Variants in ZNF438 observed in about 807,000 individuals in gnomAD.
ZNF438 encodes zinc finger protein 438.
In ZNF438, 25 loss-of-function variants were observed where a neutral mutation model predicts 38.0. That is an observed-to-expected ratio of 0.66 (90% CI 0.48 to 0.92). ZNF438 has a LOEUF of 0.92. ZNF438 is among the 40% of genes least tolerant of loss of function. The pLI, the probability that ZNF438 is intolerant of heterozygous loss-of-function variation, is 0.00. For missense variants in ZNF438, 1,007 were observed against 999.6 expected (o/e 1.01, Z -0.10); for synonymous variants, 372 against 364.1 (o/e 1.02, Z -0.25).
At chr10:30,916,521 C>T (rs1276737594) in intron 2 of ZNF438, among the ~76,000 whole-genome samples, 1 of 151,948 alleles carries the variant, frequency 6.6e-6, no homozygotes, top group African/African-American at 2.4e-5. Flanking sequence ...TCCAGCTATC[C>T]TTTTTTGTTG....
At chr10:30,949,000 G>A (rs2135720355) in intron 1 of ZNF438, among the ~76,000 whole-genome samples, 2 of 152,290 alleles carry the variant, frequency 1.3e-5, no homozygotes, top group African/African-American at 2.4e-5. Context: ...CAGCCAGAGA[G>A]AAAGGTCGGG....
At chr10:30,866,993 C>T (rs1421264418) in intron 4 of ZNF438, among the ~76,000 whole-genome samples, 6 of 152,166 alleles carry the variant, frequency 3.9e-5, no homozygotes, top group Non-Finnish European at 7.3e-5. Flanking sequence ...AAAAGAATCA[C>T]TTAAGTATGA....
At chr10:30,980,805 C>G (rs2052040992) in intron 1 of ZNF438, among the ~76,000 whole-genome samples, 1 of 152,132 alleles carries the variant, frequency 6.6e-6, no homozygotes, top group South Asian at 2.1e-4. Flanking sequence ...GAGAAGATAG[C>G]AAAGGAGATT....
chr10:30,952,514 C>T (rs1338675045), intron 1 of ZNF438, among the ~76,000 whole-genome samples: 2 of 150,042 alleles, frequency 1.3e-5, no homozygotes, highest in Non-Finnish European at 3.0e-5. Context: ...TGACAAAGGG[C>T]TAATATCCAG....
chr10:30,856,238 AC>A (rs1056152696), intron 4 of ZNF438, among the ~76,000 whole-genome samples: 1 of 152,214 alleles, frequency 6.6e-6, no homozygotes, highest in African/African-American at 2.4e-5. Flanking sequence ...AAAGTTAAGC[AC>A]TGAGAAGTAT....
chr10:30,995,206 C>T (rs1446268248), intron 1 of ZNF438, among the ~76,000 whole-genome samples: 2 of 152,090 alleles, frequency 1.3e-5, no homozygotes, highest in African/African-American at 4.8e-5. Flanking sequence ...AGACACATTA[C>T]AGGCAAAATC....
intron 4 of ZNF438, among the ~76,000 whole-genome samples, chr10:30,852,596 T>C (rs1279161938): frequency 1.3e-5 from 2 of 152,226 alleles, no homozygotes; most frequent in African/African-American, 4.8e-5. Flanking sequence ...ACCGCCTAAA[T>C]AAACAAGCAA....
intron 1 of ZNF438, among the ~76,000 whole-genome samples, chr10:30,995,764 CT>C (rs2053983565): frequency 6.6e-6 from 1 of 152,126 alleles, no homozygotes; most frequent in African/African-American, 2.4e-5. Flanking sequence ...GAACAAAGTT[CT>C]TCGGGAGTAA....
chr10:31,013,580 C>G (rs981114823), intron 1 of ZNF438, among the ~76,000 whole-genome samples: 1 of 152,170 alleles, frequency 6.6e-6, no homozygotes, highest in African/African-American at 2.4e-5. Flanking sequence ...AACAAACACA[C>G]GCACATTCTT....
In ZNF438 at chr10:30,849,261, T is replaced by A; in HGVS notation, c.1144A>T (p.Arg382Ter). The A allele has an allele frequency of 6.2e-7, 1 of 1,614,232 alleles. No individual in the cohort carries two copies. Among genetic ancestry groups the A allele is most frequent in the Non-Finnish European group, 8.5e-7 (1 of 1,180,046 alleles). ...GGTACCTTCCGTTTTCTTCCTTTTC[T>A]CTTTGCTGCTCCACTGTTCAGTTTT... is the stretch of plus-strand genomic sequence containing the variant. Residue 382 changes from arginine to a stop codon, truncating the protein, a stop_gained, in exon 5 of 6, where the codon AGA becomes TGA. Coordinates refer to ENST00000413025, the Ensembl canonical transcript of ZNF438. LOFTEE classifies it high-confidence loss of function.
intron 1 of ZNF438, among the ~76,000 whole-genome samples, chr10:31,000,935 T>C (rs768670844): frequency 1.3e-5 from 2 of 152,210 alleles, no homozygotes; most frequent in Non-Finnish European, 2.9e-5. Context: ...GTTCATGCTT[T>C]TCCCCTTTTC....
intron 3 of ZNF438, among the ~76,000 whole-genome samples, chr10:30,904,095 C>T (rs1380496375): frequency 1.3e-5 from 2 of 150,872 alleles, no homozygotes; most frequent in African/African-American, 2.4e-5. Context: ...AAATAAAAAA[C>T]ATTGTCTAAT....
intron 1 of ZNF438, among the ~76,000 whole-genome samples, chr10:31,015,195 C>T (rs1438091430): frequency 6.6e-6 from 1 of 152,142 alleles, no homozygotes; most frequent in Non-Finnish European, 1.5e-5. Context: ...TTGTCATTAT[C>T]ATAGCTGTCT....
In ZNF438 at chr10:30,868,651, A is replaced by T. The variant is rs533883066; in HGVS notation, c.37+8347T>A. Among the ~76,000 whole-genome samples, 223 of 152,328 alleles carry T rather than the reference A, an allele frequency of 1.5e-3. 2 individuals are homozygous for T. In the South Asian group the frequency reaches 0.021, roughly 15 times the overall value. ...TTTTGGCTTGCATAAAATCCTAAAT[A>T]CCCCTGTCAAACTACTTTGCTTTTA... On this transcript the variant is annotated intron_variant, in intron 4 of 5. Transcript: ENST00000413025.
At chr10:31,014,371 G>C (rs1006287299) in intron 1 of ZNF438, among the ~76,000 whole-genome samples, 9 of 152,192 alleles carry the variant, frequency 5.9e-5, no homozygotes, top group Admixed American at 5.9e-4. Flanking sequence ...TTCTGGGCTT[G>C]CAGACAGCCA....
At chr10:30,893,279 A>C (rs1162115492) in intron 3 of ZNF438, among the ~76,000 whole-genome samples, 1 of 152,234 alleles carries the variant, frequency 6.6e-6, no homozygotes, top group Non-Finnish European at 1.5e-5. Flanking sequence ...ATATATAAAC[A>C]ATGAAAACCA....
chr10:30,844,883 A>T, exon 6 of ZNF438: 1 of 1,509,194 alleles, frequency 6.6e-7, no homozygotes, highest in Non-Finnish European at 8.9e-7. Context: ...TTTGTGACTA[A>T]GCACCACCAT....
In ZNF438 at chr10:30,958,352, A is replaced by C. The variant is rs887445959; in HGVS notation, c.-191-16701T>G. Among the ~76,000 whole-genome samples the C allele has an allele frequency of 1.2e-4, 17 of 147,382 alleles. 1 individual carries two copies. Among genetic ancestry groups the C allele is most frequent in the Non-Finnish European group, 6.2e-5 (4 of 64,984 alleles). ...ACATTTTCCTTTGAATATAATTATT[A>C]GGCTTCTCCTAAAATATTGATAAAT... is the stretch of plus-strand genomic sequence containing the variant. On this transcript the variant is annotated intron_variant, in intron 1 of 5. Transcript: ENST00000413025.
intron 1 of ZNF438, among the ~76,000 whole-genome samples, chr10:30,959,867 G>T (rs1282155983): frequency 6.8e-6 from 1 of 147,360 alleles, no homozygotes; most frequent in African/African-American, 2.4e-5. Context: ...ATTTTCCAAA[G>T]TGGTTATAAC....
Sources: gnomAD v4.1 joint callset for allele counts (sites outside exome capture counted in the v4.1 genomes callset) on GRCh38, gnomAD v4.1.1 for gene constraint, MANE v1.5 for transcripts, NCBI Gene and HGNC (gene_info 2026-07-23, HGNC 2026-07-21) for gene names.